The following SLC24A2 variants were observed in gnomAD, a reference collection of about 807,000 sequenced individuals.
SLC24A2 encodes sodium/potassium/calcium exchanger 2.
Under a neutral mutation model 62.0 loss-of-function variants are expected in SLC24A2, and 36 were observed. That is an observed-to-expected ratio of 0.58 (90% CI 0.44 to 0.77). The LOEUF (loss-of-function observed/expected upper bound fraction) is 0.77, where lower values mean the gene tolerates loss of function less well. SLC24A2 is among the 30% of genes least tolerant of loss of function. The probability of loss-of-function intolerance (pLI) is 0.00; values close to 1 mark genes in which losing one functional copy is unlikely to be tolerated. For missense variants in SLC24A2, 846 were observed against 817.9 expected (o/e 1.03, Z -0.42); for synonymous variants, 358 against 294.0 (o/e 1.22, Z -2.23).
chr9:19,864,131 T>C, the SLC24A2 span, among the ~76,000 whole-genome samples: 1 of 151,842 alleles, frequency 6.6e-6, no homozygotes, highest in Non-Finnish European at 1.5e-5. Flanking sequence ...GATTGAACCA[T>C]GAAGAAATCC....
the SLC24A2 span, among the ~76,000 whole-genome samples, chr9:20,277,680 G>A: frequency 5.3e-5 from 8 of 152,268 alleles, no homozygotes; most frequent in East Asian, 3.9e-4. Context: ...ACAGTGTGGC[G>A]ATTCCTCAGG....
chr9:19,660,580 T>C (rs530355842), intron 2 of SLC24A2, among the ~76,000 whole-genome samples: 2 of 152,188 alleles, frequency 1.3e-5, no homozygotes, highest in South Asian at 2.1e-4. Context: ...AAGAGAAAGA[T>C]TGAGGGAATT....
intron 4 of SLC24A2, among the ~76,000 whole-genome samples, chr9:19,607,740 AATC>A (rs1563994978): frequency 1.3e-5 from 2 of 151,466 alleles, no homozygotes; most frequent in East Asian, 3.9e-4. Flanking sequence ...AAAAAAAAAA[AATC>A]AACTTTTTGG....
At chr9:19,631,207 A>G (rs2117986186) in intron 2 of SLC24A2, among the ~76,000 whole-genome samples, 1 of 152,252 alleles carries the variant, frequency 6.6e-6, no homozygotes, top group South Asian at 2.1e-4. Flanking sequence ...GTTAAATCAG[A>G]TCTTATATAT....
At chr9:19,779,030 C>A (rs190560267) in intron 2 of SLC24A2, among the ~76,000 whole-genome samples, 2 of 152,146 alleles carry the variant, frequency 1.3e-5, no homozygotes, top group Admixed American at 6.5e-5. Context: ...TCAATAGATG[C>A]GCTTTAGAGC....
intron 8 of SLC24A2, among the ~76,000 whole-genome samples, chr9:19,543,501 C>G (rs1834387106): frequency 6.6e-6 from 1 of 151,766 alleles, no homozygotes; most frequent in South Asian, 2.1e-4. Context: ...TCTTGCTTCT[C>G]TAGTTCTTTT....
the SLC24A2 span, among the ~76,000 whole-genome samples, chr9:20,162,041 T>C: frequency 6.6e-6 from 1 of 151,822 alleles, no homozygotes; most frequent in Admixed American, 6.6e-5. Context: ...GGAGAATCAA[T>C]GATAAAACTT....
intron 2 of SLC24A2, among the ~76,000 whole-genome samples, chr9:19,768,352 C>T (rs1042394564): frequency 1.1e-4 from 17 of 152,182 alleles, no homozygotes; most frequent in African/African-American, 1.9e-4. Context: ...CTTACCAAGT[C>T]GCCAATGACC....
chr9:19,587,865 C>G (rs1329439806), intron 5 of SLC24A2, among the ~76,000 whole-genome samples: 1 of 152,190 alleles, frequency 6.6e-6, no homozygotes. Flanking sequence ...TTTGCCAAGT[C>G]CAATCTTTCT....
At chr9:20,107,228 A>C in the SLC24A2 span, among the ~76,000 whole-genome samples, 32 of 152,322 alleles carry the variant, frequency 2.1e-4, no homozygotes, top group Non-Finnish European at 4.0e-4. Flanking sequence ...TTCCATGCTC[A>C]TGGGTAGGAA....
chr9:19,872,176 G>C, the SLC24A2 span, among the ~76,000 whole-genome samples: 29 of 152,150 alleles, frequency 1.9e-4, no homozygotes, highest in African/African-American at 6.5e-4. Flanking sequence ...AGGAAGGCAG[G>C]CAGTAACTAT....
chr9:20,265,869 C>T, the SLC24A2 span, among the ~76,000 whole-genome samples: 4 of 152,090 alleles, frequency 2.6e-5, no homozygotes, highest in Admixed American at 6.5e-5. Flanking sequence ...TGAGGGTGGG[C>T]CTCTAAAATG....
rs143698813 is a variant in SLC24A2 at position 19,626,951 on chromosome 9, C to G, written c.931-4652G>C. Reference sequence around the variant, plus strand: ...CTACTACCTCTTAGTCAGATGGAAACTCATCTCTTTCTCCCTCCTTTTACT... The same window carrying G: ...CTACTACCTCTTAGTCAGATGGAAAGTCATCTCTTTCTCCCTCCTTTTACT... On this transcript the variant is annotated intron_variant, in intron 2 of 10. Coordinates refer to ENST00000341998, the MANE Select transcript of SLC24A2 (RefSeq NM_020344.4). Among the ~76,000 whole-genome samples, 1,342 of 152,292 alleles carry G rather than the reference C, an allele frequency of 8.8e-3. 25 individuals are homozygous for G. The highest frequency in any genetic ancestry group is 0.031 in the African/African-American group (1,283 of 41,544).
chr9:19,829,761 ATATATGTGTG>A, the SLC24A2 span, among the ~76,000 whole-genome samples: 1 of 52,460 alleles, frequency 1.9e-5, no homozygotes, highest in Non-Finnish European at 5.1e-5. Context: ...AGTTTTATAT[ATATATGTGTG>A]TGTGTGTGTG....
At chr9:19,570,939 GT>G (rs1480417934) in intron 7 of SLC24A2, among the ~76,000 whole-genome samples, 3 of 152,170 alleles carry the variant, frequency 2.0e-5, no homozygotes, top group African/African-American at 2.4e-5. Context: ...TAGCAGGGTG[GT>G]GCACAAATCT....
the SLC24A2 span, among the ~76,000 whole-genome samples, chr9:20,180,729 G>C: frequency 6.6e-6 from 1 of 152,120 alleles, no homozygotes; most frequent in African/African-American, 2.4e-5. Flanking sequence ...CCTACATCAA[G>C]GGAAACACAC....
chr9:19,761,029 T>C (rs1350742924), intron 2 of SLC24A2, among the ~76,000 whole-genome samples: 2 of 152,070 alleles, frequency 1.3e-5, no homozygotes, highest in Non-Finnish European at 2.9e-5. Context: ...AATCTGCATG[T>C]TGTGCACAGG....
chr9:19,846,915 G>A, the SLC24A2 span, among the ~76,000 whole-genome samples: 154 of 152,084 alleles, frequency 1.0e-3, 2 homozygotes, highest in African/African-American at 3.0e-3. Flanking sequence ...CCAGCTACTC[G>A]GGAGGCTGAG....
intron 7 of SLC24A2, among the ~76,000 whole-genome samples, chr9:19,558,668 A>T: frequency 6.6e-6 from 1 of 152,212 alleles, no homozygotes; most frequent in East Asian, 1.9e-4. Context: ...TCAGACTTCA[A>T]CATTCAGTGT....
Sources: gnomAD v4.1 joint callset for allele counts (sites outside exome capture counted in the v4.1 genomes callset) on GRCh38, gnomAD v4.1.1 for gene constraint, MANE v1.5 for transcripts, NCBI Gene and HGNC (gene_info 2026-07-23, HGNC 2026-07-21) for gene names.